PDGFD: variants seen among roughly 807,000 people sequenced by gnomAD.
PDGFD encodes platelet derived growth factor D.
Under a neutral mutation model 44.7 loss-of-function variants are expected in PDGFD, and 30 were observed. The observed-to-expected ratio is 0.67, with a 90% CI of 0.50 to 0.91. The LOEUF is 0.91. PDGFD is among the 40% of genes least tolerant of loss of function. The probability of loss-of-function intolerance (pLI) is 0.00; values close to 1 mark genes in which losing one functional copy is unlikely to be tolerated. For missense variants in PDGFD, 445 were observed against 457.8 expected, an observed-to-expected ratio of 0.97 and a Z score of 0.25; for synonymous variants, 173 against 168.4, an observed-to-expected ratio of 1.03 and a Z score of -0.21.
Position 104,126,191 on chromosome 11 carries a change from A to G in PDGFD, c.124+37613T>C, listed in dbSNP as rs542561681. On this transcript the variant is annotated intron_variant, in intron 1 of 6. Transcript: ENST00000393158. ...CTACACGCAATGAATTTGGAATAAA[A>G]ATCTGGCCATGCATAGTCCTTACTG... 1.2e-4 allele frequency among the ~76,000 whole-genome samples: 19 copies of G among 152,274 alleles called. No individual in the cohort carries two copies. The East Asian group carries it at 3.1e-3, about 25-fold the overall frequency.
chr11:104,119,437 G>A (rs1242034034), intron 1 of PDGFD, among the ~76,000 whole-genome samples: 5 of 40,318 alleles, frequency 1.2e-4, no homozygotes, highest in African/African-American at 3.5e-4. Context: ...ATAATATATT[G>A]ATATAATATA....
At chr11:104,047,663 C>A (rs1860465267) in intron 1 of PDGFD, among the ~76,000 whole-genome samples, 1 of 146,874 alleles carries the variant, frequency 6.8e-6, no homozygotes, top group Non-Finnish European at 1.5e-5. Flanking sequence ...CTTTTAAATT[C>A]TTTCTACTTT....
At chr11:103,918,277 G>A (rs1858158786) in intron 6 of PDGFD, among the ~76,000 whole-genome samples, 2 of 152,134 alleles carry the variant, frequency 1.3e-5, no homozygotes, top group Non-Finnish European at 2.9e-5. Context: ...AAGGGGTTGG[G>A]GTTTGGACTC....
intron 2 of PDGFD, among the ~76,000 whole-genome samples, chr11:103,997,914 C>A (rs1467777842): frequency 6.6e-6 from 1 of 152,078 alleles, no homozygotes; most frequent in African/African-American, 2.4e-5. Context: ...CTCTTTTCTA[C>A]CTGCTATACT....
intron 1 of PDGFD, among the ~76,000 whole-genome samples, chr11:104,015,335 C>T (rs1859844785): frequency 6.6e-6 from 1 of 152,094 alleles, no homozygotes; most frequent in South Asian, 2.1e-4. Context: ...CAGGGTACTG[C>T]TTGAAAAAGA....
At chr11:103,917,093 A>C (rs1385716577) in intron 6 of PDGFD, among the ~76,000 whole-genome samples, 1 of 152,138 alleles carries the variant, frequency 6.6e-6, no homozygotes, top group Non-Finnish European at 1.5e-5. Context: ...TTAAAAAAAA[A>C]ACACACAACA....
At chr11:103,970,767 G>A (rs1286964288) in intron 3 of PDGFD, among the ~76,000 whole-genome samples, 1 of 152,104 alleles carries the variant, frequency 6.6e-6, no homozygotes, top group African/African-American at 2.4e-5. Context: ...GGAAAGAATT[G>A]TTTATGATGC....
intron 1 of PDGFD, among the ~76,000 whole-genome samples, chr11:104,012,304 T>C (rs560900059): frequency 6.6e-6 from 1 of 152,330 alleles, no homozygotes; most frequent in African/African-American, 2.4e-5. Flanking sequence ...TTTGAAGCTA[T>C]GTATGAATAC....
chr11:104,158,174 C>T (rs144611152), intron 1 of PDGFD, among the ~76,000 whole-genome samples: 1 of 152,322 alleles, frequency 6.6e-6, no homozygotes, highest in East Asian at 1.9e-4. Flanking sequence ...TAGAACTTCA[C>T]ACTTAAATTG....
intron 5 of PDGFD, among the ~76,000 whole-genome samples, chr11:103,933,911 T>C (rs962163280): frequency 6.6e-6 from 1 of 152,204 alleles, no homozygotes; most frequent in African/African-American, 2.4e-5. Flanking sequence ...AACACCATCA[T>C]AAAGCCATTC....
intron 1 of PDGFD, among the ~76,000 whole-genome samples, chr11:104,051,272 T>A (rs888251821): frequency 6.6e-6 from 1 of 152,140 alleles, no homozygotes; most frequent in African/African-American, 2.4e-5. Flanking sequence ...AAAAATTAAT[T>A]TTAATGGTAT....
intron 6 of PDGFD, among the ~76,000 whole-genome samples, chr11:103,924,236 C>G (rs1157714622): frequency 6.6e-6 from 1 of 152,188 alleles, no homozygotes; most frequent in Admixed American, 6.5e-5. Flanking sequence ...ACATCAAAGT[C>G]CTGACCTTGA....
chr11:103,913,504 G>A (rs193014995), intron 6 of PDGFD, among the ~76,000 whole-genome samples: 1 of 152,332 alleles, frequency 6.6e-6, no homozygotes, highest in Admixed American at 6.5e-5. Context: ...TTAAAGCAGT[G>A]TGTAGAGGGA....
intron 1 of PDGFD, among the ~76,000 whole-genome samples, chr11:104,075,155 T>C (rs1310484904): frequency 6.6e-6 from 1 of 152,180 alleles, no homozygotes; most frequent in Non-Finnish European, 1.5e-5. Flanking sequence ...AAGATACAAA[T>C]GTTCACTGGT....
In PDGFD at chr11:103,936,919, C is replaced by T. The variant is rs946879018; in HGVS notation, c.772+6533G>A. Among the ~76,000 whole-genome samples the T allele has an allele frequency of 2.6e-5, 4 of 151,876 alleles. No homozygotes were observed. In the East Asian group the frequency reaches 5.8e-4, roughly 22 times the overall value. On this transcript the variant is annotated intron_variant, in intron 5 of 6. Coordinates refer to ENST00000393158, the MANE Select transcript of PDGFD (RefSeq NM_025208.5). Reference sequence around the variant, plus strand: ...CAGCCCATGGTAGCCTTGAACTACCCGGGCTCAAGTGATCCTCCCACCTCA... The same window carrying T: ...CAGCCCATGGTAGCCTTGAACTACCTGGGCTCAAGTGATCCTCCCACCTCA...
At chr11:104,079,125 T>G (rs1292114206) in intron 1 of PDGFD, among the ~76,000 whole-genome samples, 3 of 152,148 alleles carry the variant, frequency 2.0e-5, no homozygotes, top group African/African-American at 4.8e-5. Context: ...AAAACATATT[T>G]GGTGAATTCA....
intron 1 of PDGFD, among the ~76,000 whole-genome samples, chr11:104,068,005 A>G (rs1412595050): frequency 1.3e-5 from 2 of 152,210 alleles, no homozygotes; most frequent in Non-Finnish European, 2.9e-5. Context: ...GTGAAAAGGA[A>G]TAGAGTGTTA....
intron 3 of PDGFD, among the ~76,000 whole-genome samples, chr11:103,951,447 T>A (rs1299521010): frequency 6.6e-6 from 1 of 152,222 alleles, no homozygotes; most frequent in Non-Finnish European, 1.5e-5. Flanking sequence ...TAATGGTAAA[T>A]CAAATCACTT....
At chr11:103,994,338 T>A (rs1371948877) in intron 3 of PDGFD, among the ~76,000 whole-genome samples, 2 of 152,226 alleles carry the variant, frequency 1.3e-5, no homozygotes, top group Non-Finnish European at 2.9e-5. Context: ...TGAGAACAGA[T>A]GCATCACTGA....
Sources: gnomAD v4.1 joint callset for allele counts (sites outside exome capture counted in the v4.1 genomes callset) on GRCh38, gnomAD v4.1.1 for gene constraint, MANE v1.5 for transcripts, NCBI Gene and HGNC (gene_info 2026-07-23, HGNC 2026-07-21) for gene names.